The following MAGI2 variants were observed in gnomAD, a reference collection of about 807,000 sequenced individuals.
MAGI2 encodes membrane-associated guanylate kinase, WW and PDZ domain-containing protein 2.
MAGI2 carries 35 observed loss-of-function variants against 133.3 expected under a neutral mutation model. The observed-to-expected ratio is 0.26, with a 90% CI of 0.20 to 0.35. The LOEUF (loss-of-function observed/expected upper bound fraction) is 0.35. Ranked by LOEUF, MAGI2 falls within the 10% of genes least tolerant of loss-of-function variation. The pLI, the probability that MAGI2 is intolerant of heterozygous loss-of-function variation, is 1.00. For synonymous variants in MAGI2, 729 were observed against 710.6 expected (o/e 1.03, Z -0.41); for missense variants, 1,636 against 1,863.4 (o/e 0.88, Z 2.25).
At chr7:78,865,977 G>A (rs889427269) in intron 2 of MAGI2, among the ~76,000 whole-genome samples, 1 of 152,056 alleles carries the variant, frequency 6.6e-6, no homozygotes, top group Admixed American at 6.5e-5. Flanking sequence ...GATACAATCT[G>A]AATTTAACTT....
At chr7:79,119,392 A>G (rs921353917) in intron 1 of MAGI2, among the ~76,000 whole-genome samples, 1 of 152,134 alleles carries the variant, frequency 6.6e-6, no homozygotes, top group Non-Finnish European at 1.5e-5. Context: ...GTGTGCCATC[A>G]ACCATGCTCT....
At chr7:79,243,181 T>G (rs530304832) in intron 1 of MAGI2, among the ~76,000 whole-genome samples, 3 of 152,154 alleles carry the variant, frequency 2.0e-5, no homozygotes, top group African/African-American at 7.2e-5. Flanking sequence ...ATTACAGTGT[T>G]CTGAAAAGCC....
chr7:79,136,061 GA>G (rs1482089774), intron 1 of MAGI2, among the ~76,000 whole-genome samples: 310 of 128,024 alleles, frequency 2.4e-3, no homozygotes, highest in Non-Finnish European at 3.2e-3. Flanking sequence ...AAGAAAGAAA[GA>G]AAGAAGGAAA....
intron 2 of MAGI2, among the ~76,000 whole-genome samples, chr7:78,773,038 T>C (rs925143564): frequency 2.6e-5 from 4 of 152,184 alleles, no homozygotes; most frequent in Non-Finnish European, 4.4e-5. Flanking sequence ...ATGGAGTCAC[T>C]TTCCTTGAAT....
intron 3 of MAGI2, among the ~76,000 whole-genome samples, chr7:78,593,267 C>T (rs915699971): frequency 1.3e-5 from 2 of 151,990 alleles, no homozygotes; most frequent in Non-Finnish European, 2.9e-5. Context: ...TGGCGGGCGC[C>T]TGTAGTCCCA....
intron 5 of MAGI2, among the ~76,000 whole-genome samples, chr7:78,492,743 T>C: frequency 6.6e-6 from 1 of 152,184 alleles, no homozygotes; most frequent in East Asian, 1.9e-4. Context: ...CTATCCAAAC[T>C]GTGTGTCACA....
chr7:78,861,718 G>A (rs1355905324), intron 2 of MAGI2, among the ~76,000 whole-genome samples: 1 of 152,118 alleles, frequency 6.6e-6, no homozygotes. Flanking sequence ...GAAATTAGGA[G>A]AATATATGAG....
At chr7:78,071,156 T>C (rs1814645019) in intron 21 of MAGI2, among the ~76,000 whole-genome samples, 1 of 152,226 alleles carries the variant, frequency 6.6e-6, no homozygotes, top group Non-Finnish European at 1.5e-5. Context: ...AGAAATGTGA[T>C]TTCATCCTCA....
Position 79,015,254 on chromosome 7 carries a change from A to G in MAGI2, c.302-8048T>C, listed in dbSNP as rs1172872930. Among the ~76,000 whole-genome samples the G allele has an allele frequency of 2.0e-5, 3 of 152,088 alleles. No homozygotes were observed. In the East Asian group the frequency reaches 5.8e-4, roughly 29 times the overall value. On this transcript the variant is annotated intron_variant, in intron 1 of 21. Transcript: ENST00000354212. ...AGGATCACTTGAGGACAGGAGTTCC[A>G]GGTCAGCCTGGGCAACACAGTAAGA...
chr7:78,687,314 C>G (rs1013930974), intron 2 of MAGI2, among the ~76,000 whole-genome samples: 1 of 152,202 alleles, frequency 6.6e-6, no homozygotes, highest in Non-Finnish European at 1.5e-5. Context: ...CTCTTTGGGT[C>G]TCAGAGTCCC....
intron 3 of MAGI2, among the ~76,000 whole-genome samples, chr7:78,530,592 TCATA>T (rs1797380974): frequency 2.0e-5 from 3 of 152,236 alleles, no homozygotes; most frequent in Admixed American, 2.0e-4. Context: ...CAGACAATAC[TCATA>T]GTTATCCTTT....
At chr7:78,666,477 T>A (rs1813602377) in intron 2 of MAGI2, among the ~76,000 whole-genome samples, 1 of 152,140 alleles carries the variant, frequency 6.6e-6, no homozygotes, top group African/African-American at 2.4e-5. Context: ...AGTACCCCTT[T>A]GAAAGTTGTA....
In MAGI2 at chr7:79,057,171, T is replaced by C. The variant is rs543038281; in HGVS notation, c.302-49965A>G. On this transcript the variant is annotated intron_variant, in intron 1 of 21. Coordinates refer to ENST00000354212, the MANE Select transcript of MAGI2 (RefSeq NM_012301.4). ...TGTAAGTATAAAGACTATTTGGATT[T>C]TATATAGATAGAAACTTAGAATTTT... 3.9e-5 allele frequency among the ~76,000 whole-genome samples: 6 copies of C among 152,300 alleles called. No homozygotes were observed. The East Asian group carries it at 1.2e-3, about 29-fold the overall frequency.
At chr7:79,168,063 A>G (rs1825120702) in intron 1 of MAGI2, among the ~76,000 whole-genome samples, 1 of 152,118 alleles carries the variant, frequency 6.6e-6, no homozygotes, top group Non-Finnish European at 1.5e-5. Context: ...TTCGTTTCCC[A>G]TAAGGGATAC....
chr7:78,501,753 G>A lies in MAGI2; in HGVS notation c.789C>T (p.Ala263=). ...SSEHEDKSAG[A]SGEMPSQPYP... The stretch of plus-strand genomic sequence containing the variant: ...AAGGCTGGGAGGGCATCTCCCCTGA[G>A]GCACCTGCACTTTTGTCTTCATGTT... The change falls in exon 5 of 22, where the codon GCC becomes GCT. Residue 263 remains alanine, a synonymous_variant. Coordinates refer to ENST00000354212, the MANE Select transcript of MAGI2 (RefSeq NM_012301.4). The A allele has an allele frequency of 6.2e-7, 1 of 1,613,956 alleles. No individual in the cohort carries two copies. The highest frequency in any genetic ancestry group is 8.5e-7 in the Non-Finnish European group (1 of 1,180,016).
chr7:79,183,996 G>T (rs1192502328), intron 1 of MAGI2, among the ~76,000 whole-genome samples: 3 of 151,294 alleles, frequency 2.0e-5, no homozygotes, highest in Non-Finnish European at 3.0e-5. Context: ...AGATGAGAGT[G>T]GGGGAAAGCA....
chr7:79,282,438 AT>A (rs1835719596), intron 1 of MAGI2, among the ~76,000 whole-genome samples: 1 of 152,186 alleles, frequency 6.6e-6, no homozygotes, highest in Admixed American at 6.6e-5. Context: ...AACGAAGCTG[AT>A]TTTATACTGT....
At chr7:79,007,328 T>TTGA in intron 1 of MAGI2, 122 bp from the exon 2 acceptor site, 1 of 597,326 alleles carries the variant, frequency 1.7e-6, no homozygotes, top group Non-Finnish European at 2.9e-6. Flanking sequence ...AAGTGTTCTT[T>TTGA]TGATCTTCTC....
chr7:79,253,128 C>T (rs189346475), intron 1 of MAGI2, among the ~76,000 whole-genome samples: 43 of 152,268 alleles, frequency 2.8e-4, no homozygotes, highest in African/African-American at 8.4e-4. Context: ...GTGAAGCATA[C>T]AATTCGTACA....
Sources: gnomAD v4.1 joint callset for allele counts (sites outside exome capture counted in the v4.1 genomes callset) on GRCh38, gnomAD v4.1.1 for gene constraint, MANE v1.5 for transcripts, NCBI Gene and HGNC (gene_info 2026-07-23, HGNC 2026-07-21) for gene names.